RAD54L2: variants seen among roughly 807,000 people sequenced by gnomAD.
The protein encoded by RAD54L2 is helicase ARIP4.
RAD54L2 carries 27 observed loss-of-function variants against 138.4 expected under a neutral mutation model. That is an observed-to-expected ratio of 0.20 (90% CI 0.14 to 0.27). The LOEUF (loss-of-function observed/expected upper bound fraction) is 0.27, where lower values mean the gene tolerates loss of function less well. RAD54L2 is among the 10% of genes least tolerant of loss of function. RAD54L2 has a pLI of 1.00. For missense variants in RAD54L2, 1,396 were observed against 1,890.2 expected (o/e 0.74, Z 4.85); for synonymous variants, 644 against 723.2 (o/e 0.89, Z 1.76).
chr3:51,648,113 G>A (rs920483934), intron 19 of RAD54L2, among the ~76,000 whole-genome samples: 5 of 152,286 alleles, frequency 3.3e-5, no homozygotes, highest in African/African-American at 1.2e-4. Context: ...CTTTTCCAAC[G>A]GTCTTAGCAA....
intron 2 of RAD54L2, among the ~76,000 whole-genome samples, chr3:51,552,040 A>G (rs1007005123): frequency 6.6e-6 from 1 of 152,046 alleles, no homozygotes; most frequent in African/African-American, 2.4e-5. Flanking sequence ...GTGAGCCACC[A>G]CGCCCAGCCT....
At chr3:51,544,268 G>C (rs528886622) in intron 2 of RAD54L2, among the ~76,000 whole-genome samples, 26 of 152,292 alleles carry the variant, frequency 1.7e-4, no homozygotes, top group African/African-American at 5.8e-4. Context: ...TGAGAGTTCT[G>C]ACTTCATGGC....
intron 16 of RAD54L2, 113 bp from the exon 17 acceptor site, chr3:51,644,911 T>C (rs1245400074): frequency 9.7e-7 from 1 of 1,031,372 alleles, no homozygotes; most frequent in Admixed American, 2.1e-5. Context: ...GAGTATGTTG[T>C]ACTTAGGGCT....
In RAD54L2 at chr3:51,655,987, G is replaced by T. The variant is rs767939056; in HGVS notation, c.3043G>T (p.Gly1015Cys). 6.2e-7 allele frequency: 1 copy of T among 1,602,568 alleles called. No individual in the cohort carries two copies. The highest frequency in any genetic ancestry group is 1.3e-5 in the African/African-American group (1 of 74,686). The stretch of plus-strand genomic sequence containing the variant: ...CTCTTACAGGCAGCCAACTTTGAAG[G>T]GTGATGAAAAGCCTGTGGCCAGTGT... The part of the protein sequence containing the change: ...SQRNWQPTLK[G>C]DEKPVASVRP... The change falls in exon 20 of 23, where the codon GGT (glycine) becomes TGT (cysteine). Residue 1015 changes from glycine to cysteine, a missense_variant. Gly to Cys is a radical substitution (Grantham distance 159, BLOSUM62 -3). Transcript: ENST00000684192.
chr3:51,619,841 A>G (rs1187568094), intron 3 of RAD54L2, among the ~76,000 whole-genome samples: 1 of 152,128 alleles, frequency 6.6e-6, no homozygotes, highest in Non-Finnish European at 1.5e-5. Flanking sequence ...TTTCTGGGCT[A>G]TGGATCATAT....
intron 2 of RAD54L2, among the ~76,000 whole-genome samples, chr3:51,578,570 G>T (rs1264463415): frequency 6.6e-6 from 1 of 152,194 alleles, no homozygotes; most frequent in Non-Finnish European, 1.5e-5. Context: ...ACCCCCTCAT[G>T]GGTGGGAACT....
intron 2 of RAD54L2, among the ~76,000 whole-genome samples, chr3:51,561,807 A>G (rs1046829113): frequency 1.3e-5 from 2 of 151,220 alleles, no homozygotes; most frequent in African/African-American, 2.4e-5. Context: ...CTTCTGCCTC[A>G]GCCTCCCAAA....
At chr3:51,564,957 A>G (rs955042933) in intron 2 of RAD54L2, among the ~76,000 whole-genome samples, 5 of 152,108 alleles carry the variant, frequency 3.3e-5, no homozygotes, top group Non-Finnish European at 7.4e-5. Flanking sequence ...TGTAAGTTCA[A>G]ATGAGGGAAG....
chr3:51,565,464 A>T (rs998935359), intron 2 of RAD54L2, among the ~76,000 whole-genome samples: 1 of 152,300 alleles, frequency 6.6e-6, no homozygotes, highest in East Asian at 1.9e-4. Flanking sequence ...CTACATAGAA[A>T]TATAATAGAT....
intron 21 of RAD54L2, among the ~76,000 whole-genome samples, chr3:51,658,946 G>A (rs1218796385): frequency 6.6e-6 from 1 of 151,896 alleles, no homozygotes; most frequent in South Asian, 2.1e-4. Context: ...ATTTTGTGAC[G>A]TGAAATTATA....
chr3:51,589,107 T>C (rs1177894356), intron 2 of RAD54L2, among the ~76,000 whole-genome samples: 2 of 152,224 alleles, frequency 1.3e-5, no homozygotes, highest in African/African-American at 4.8e-5. Flanking sequence ...TTCCTCCATG[T>C]ACAATGGGGT....
Position 51,574,297 on chromosome 3 carries a change from G to A in RAD54L2, c.-54-16070G>A, listed in dbSNP as rs755551743. Among the ~76,000 whole-genome samples the A allele has an allele frequency of 5.9e-5, 9 of 152,032 alleles. No homozygotes were observed. In the East Asian group the frequency reaches 9.6e-4, roughly 16 times the overall value. ...TCTTTGCTATTGTGAATAGTGCCAC[G>A]ATAAACATACGTGTGCATGTGTCTT... is the stretch of plus-strand genomic sequence containing the variant. On this transcript the variant is annotated intron_variant, in intron 2 of 22. Transcript: ENST00000684192.
chr3:51,606,011 GA>G (rs1700172929), intron 3 of RAD54L2, among the ~76,000 whole-genome samples: 1 of 152,202 alleles, frequency 6.6e-6, no homozygotes, highest in Non-Finnish European at 1.5e-5. Context: ...GGTGGGGAAA[GA>G]AGGAGAGAGC....
In RAD54L2 at chr3:51,633,966, C is replaced by G. The variant is rs114438035; in HGVS notation, c.1073C>G (p.Pro358Arg). The G allele has an allele frequency of 5.2e-4, 834 of 1,613,882 alleles. 2 individuals are homozygous for G. In the African/African-American group the frequency reaches 9.8e-3, roughly 19 times the overall value. The change falls in exon 9 of 23, where the codon CCG (proline) becomes CGG (arginine). Residue 358 changes from proline to arginine, a missense_variant. Physicochemically the swap from Pro to Arg is moderately radical, Grantham distance 103. Coordinates refer to ENST00000684192, the MANE Select transcript of RAD54L2 (RefSeq NM_015106.4). ...TGGCTTCCACCTCCTGAAGCCCTCCCGGCTGACAACAAGCCTGAAGAAGTC... is the reference window on the plus strand; with the variant it reads ...TGGCTTCCACCTCCTGAAGCCCTCCGGGCTGACAACAAGCCTGAAGAAGTC... ...NMWLPPPEAL[P>R]ADNKPEEVQP... is the part of the protein sequence containing the mutation.
chr3:51,607,428 G>A (rs544786882), intron 3 of RAD54L2, among the ~76,000 whole-genome samples: 15 of 152,274 alleles, frequency 9.9e-5, no homozygotes, highest in African/African-American at 3.1e-4. Context: ...TTGGGGGTAA[G>A]GTTATAGATC....
At chr3:51,546,766 C>T (rs544296483) in intron 2 of RAD54L2, among the ~76,000 whole-genome samples, 2 of 152,130 alleles carry the variant, frequency 1.3e-5, no homozygotes, top group East Asian at 1.9e-4. Context: ...CGGTGGCTCA[C>T]GCCTGTAATC....
At chr3:51,606,776 G>A (rs147852676) in intron 3 of RAD54L2, among the ~76,000 whole-genome samples, 1 of 151,706 alleles carries the variant, frequency 6.6e-6, no homozygotes, top group African/African-American at 2.4e-5. Flanking sequence ...TCCACCTCCC[G>A]GGTTCACGCT....
At chr3:51,598,792 A>C (rs185440116) in intron 3 of RAD54L2, among the ~76,000 whole-genome samples, 1 of 151,982 alleles carries the variant, frequency 6.6e-6, no homozygotes, top group African/African-American at 2.4e-5. Flanking sequence ...GAGTTTGGAG[A>C]GCTTATGGAT....
At chr3:51,635,273 T>C (rs1700957554) in intron 9 of RAD54L2, among the ~76,000 whole-genome samples, 1 of 152,180 alleles carries the variant, frequency 6.6e-6, no homozygotes. Flanking sequence ...AAATGTTGAG[T>C]TGTAGTCATG....
Sources: allele counts gnomAD v4.1 joint callset (sites outside exome capture counted in the v4.1 genomes callset), GRCh38; gene constraint gnomAD v4.1.1; transcripts MANE v1.5; gene names NCBI Gene and HGNC (gene_info 2026-07-23, HGNC 2026-07-21).